The following MAB21L3 variants were observed in gnomAD, a reference collection of about 807,000 sequenced individuals.
MAB21L3 encodes mab-21 like 3.
In MAB21L3, 36 loss-of-function variants were observed where a neutral mutation model predicts 37.7. That is an observed-to-expected ratio of 0.96 (90% CI 0.73 to 1.26). MAB21L3 has a LOEUF of 1.26. MAB21L3 is among the 50% of genes most tolerant of loss of function. MAB21L3 has a pLI of 0.00. For synonymous variants in MAB21L3, 186 were observed against 176.8 expected (o/e 1.05, Z -0.41); for missense variants, 430 against 447.3 (o/e 0.96, Z 0.35).
chr1:116,122,551 T>C (rs533577485), intron 4 of MAB21L3, among the ~76,000 whole-genome samples: 7 of 152,276 alleles, frequency 4.6e-5, no homozygotes, highest in African/African-American at 7.2e-5. Context: ...CAAGTTTTTG[T>C]TTGTTTTGCT....
intron 4 of MAB21L3, 110 bp from the exon 5 acceptor site, chr1:116,123,956 G>C: frequency 9.3e-7 from 1 of 1,079,418 alleles, no homozygotes; most frequent in Non-Finnish European, 1.4e-6. Context: ...ACTCTGCTGA[G>C]GGTGGAGTGG....
chr1:116,120,819 G>A, intron 3 of MAB21L3, 113 bp from the exon 4 acceptor site: 1 of 1,369,196 alleles, frequency 7.3e-7, no homozygotes, highest in Non-Finnish European at 9.9e-7. Context: ...GGATTTTTGA[G>A]CTGAACTCCC....
intron 3 of MAB21L3, among the ~76,000 whole-genome samples, chr1:116,120,420 C>G (rs1466291357): frequency 1.6e-5 from 2 of 126,840 alleles, no homozygotes; most frequent in African/African-American, 9.4e-5. Flanking sequence ...CACACACACA[C>G]ACACACACAC....
chr1:116,117,139 A>T, intron 3 of MAB21L3, among the ~76,000 whole-genome samples: 1 of 143,258 alleles, frequency 7.0e-6, no homozygotes, highest in Non-Finnish European at 1.5e-5. Flanking sequence ...TAGTTTATTA[A>T]CTCAGGAATC....
At position 116,128,147 on chromosome 1, in the gene MAB21L3, G is replaced by A. The variant is rs147147698; in HGVS notation, c.663G>A (p.Ser221=). ...PSQERVECIK[S]FGFNLLACSN... ...CAATATTTTTCTCTTTCTTCCAGTCGTTTGGATTTAACTTGTTGGCCTGTT... is the reference window on the plus strand; with the variant it reads ...CAATATTTTTCTCTTTCTTCCAGTCATTTGGATTTAACTTGTTGGCCTGTT... Residue 221 remains serine, a splice_region_variant and synonymous_variant, in exon 7 of 8, where the codon TCG becomes TCA. Coordinates refer to ENST00000369500, the MANE Select transcript of MAB21L3 (RefSeq NM_152367.3). 63 of 1,608,350 alleles carry A rather than the reference G, an allele frequency of 3.9e-5. No homozygotes were observed. Among genetic ancestry groups the A allele is most frequent in the African/African-American group, 1.1e-4 (8 of 74,774 alleles).
chr1:116,111,567 C>T (rs1264640284), intron 1 of MAB21L3, among the ~76,000 whole-genome samples, 57 bp downstream of exon 1: 1 of 151,898 alleles, frequency 6.6e-6, no homozygotes, highest in African/African-American at 2.4e-5. Context: ...TAGCAGACTC[C>T]GTGATGTTTA....
rs1425114430 is a variant in MAB21L3, at chr1:116,136,166, T to A, written c.*2801T>A. Among the ~76,000 whole-genome samples, 4 of 148,312 alleles carry A rather than the reference T, an allele frequency of 2.7e-5. No homozygotes were observed. The highest frequency in any genetic ancestry group is 1.0e-4 in the African/African-American group (4 of 40,000). ...GAGAAGGAAATAAAGGGTATTCAATTAGGAAAAGAGGAAGTCAAATTGTCC... is the reference window on the plus strand; with the variant it reads ...GAGAAGGAAATAAAGGGTATTCAATAAGGAAAAGAGGAAGTCAAATTGTCC... On this transcript the variant is annotated 3_prime_UTR_variant, in exon 8 of 8. Transcript: ENST00000369500.
At chr1:116,130,682 C>T (rs1295464675) in intron 7 of MAB21L3, among the ~76,000 whole-genome samples, 1 of 152,218 alleles carries the variant, frequency 6.6e-6, no homozygotes, top group African/African-American at 2.4e-5. Flanking sequence ...TTACAAGGCC[C>T]TCACCTTCTC....
intron 3 of MAB21L3, among the ~76,000 whole-genome samples, chr1:116,117,175 ATATATATATATATATATG>A (rs1390258577): frequency 6.9e-6 from 1 of 144,534 alleles, no homozygotes; most frequent in Admixed American, 7.0e-5. Flanking sequence ...ATATATATAT[ATATATATATATATATATG>A]TATAGTCACT....
intron 5 of MAB21L3, among the ~76,000 whole-genome samples, chr1:116,126,636 T>C (rs916529582): frequency 2.6e-5 from 4 of 152,168 alleles, no homozygotes; most frequent in Admixed American, 2.0e-4. Context: ...TGTCAGAATA[T>C]CTAGGTGAAG....
chr1:116,136,046 C>T lies in MAB21L3; in HGVS notation c.*2681C>T, dbSNP rs1441628971. On this transcript the variant is annotated 3_prime_UTR_variant, in exon 8 of 8. Transcript: ENST00000369500. ...ATACTGAATGGGCAAAAACTGGAAG[C>T]ATTCCCTTTGAAAACTGGCACAAGA... is the stretch of plus-strand genomic sequence containing the variant. Among the ~76,000 whole-genome samples the T allele has an allele frequency of 6.7e-6, 1 of 148,882 alleles. No homozygotes were observed. Among genetic ancestry groups the T allele is most frequent in the Non-Finnish European group, 1.5e-5 (1 of 67,364 alleles).
intron 3 of MAB21L3, among the ~76,000 whole-genome samples, chr1:116,115,147 A>G (rs1146358): frequency 0.053 from 8,089 of 152,248 alleles, 596 homozygotes; most frequent in African/African-American, 0.16. Context: ...TAATCATAGC[A>G]TCCACCTTAA....
chr1:116,128,028 G>C (rs952410734), intron 6 of MAB21L3, 117 bp from the exon 7 acceptor site: 21 of 1,074,416 alleles, frequency 2.0e-5, no homozygotes, highest in Admixed American at 7.5e-5. Context: ...TCCCCACGTA[G>C]GATGTGCTGT....
intron 3 of MAB21L3, among the ~76,000 whole-genome samples, chr1:116,113,644 T>C (rs1011884262): frequency 6.6e-6 from 1 of 152,244 alleles, no homozygotes; most frequent in African/African-American, 2.4e-5. Flanking sequence ...GAATCCAGTG[T>C]GTGCTCATGT....
chr1:116,114,466 A>G (rs1297546985), intron 3 of MAB21L3, among the ~76,000 whole-genome samples: 1 of 152,222 alleles, frequency 6.6e-6, no homozygotes, highest in African/African-American at 2.4e-5. Context: ...TAACTTGTCC[A>G]AAGTTACACA....
Position 116,136,274 on chromosome 1 carries a change from G to A in MAB21L3, c.*2909G>A, listed in dbSNP as rs1040258128. On this transcript the variant is annotated 3_prime_UTR_variant, in exon 8 of 8. Transcript: ENST00000369500. ...CTCCTTAAGCTGATAAGCAACTTCA[G>A]CAAAGTCTCAGGATACAAAATCAAA... 4.3e-4 allele frequency among the ~76,000 whole-genome samples: 65 copies of A among 152,156 alleles called. No homozygotes were observed. Among genetic ancestry groups the A allele is most frequent in the Non-Finnish European group, 6.5e-4 (44 of 67,978 alleles).
chr1:116,114,670 G>T (rs1659521429), intron 3 of MAB21L3, among the ~76,000 whole-genome samples: 1 of 152,168 alleles, frequency 6.6e-6, no homozygotes, highest in African/African-American at 2.4e-5. Flanking sequence ...TTTTGGTTTT[G>T]GTCTCTAGGA....
intron 7 of MAB21L3, among the ~76,000 whole-genome samples, chr1:116,130,040 T>C (rs1034297113): frequency 6.6e-6 from 1 of 152,226 alleles, no homozygotes; most frequent in Non-Finnish European, 1.5e-5. Context: ...CTTTCCTTTA[T>C]ACAGGCCACA....
rs1659945608 is a variant in MAB21L3, at chr1:116,127,580, A to AG, written c.597dup (p.Lys200GlufsTer26). 6.2e-7 allele frequency: 1 copy of AG among 1,614,062 alleles called. No homozygotes were observed. The highest frequency in any genetic ancestry group is 8.5e-7 in the Non-Finnish European group (1 of 1,180,038). On this transcript the variant is annotated frameshift_variant, in exon 6 of 8. Coordinates refer to ENST00000369500, the MANE Select transcript of MAB21L3 (RefSeq NM_152367.3). LOFTEE classifies it high-confidence loss of function. ...GTGGAGATCCCCACCACCTGGTCCA[A>AG]GAAAGCCCGGTGGCCTCGATGTCTG...
Sources: allele counts gnomAD v4.1 joint callset (sites outside exome capture counted in the v4.1 genomes callset), GRCh38; gene constraint gnomAD v4.1.1; transcripts MANE v1.5; gene names NCBI Gene and HGNC (gene_info 2026-07-23, HGNC 2026-07-21).